The following BOC variants were observed in gnomAD, a reference collection of about 807,000 sequenced individuals.
BOC encodes brother of CDO.
In BOC, 76 loss-of-function variants were observed where a neutral mutation model predicts 112.0. The observed-to-expected ratio is 0.68, with a 90% CI of 0.56 to 0.82. The LOEUF is 0.82. BOC is among the 40% of genes least tolerant of loss of function. BOC has a pLI of 0.00. For synonymous variants in BOC, 580 were observed against 599.8 expected, an observed-to-expected ratio of 0.97 and a Z score of 0.48; for missense variants, 1,309 against 1,511.7, an observed-to-expected ratio of 0.87 and a Z score of 2.22.
chr3:113,286,665 C>A lies in BOC; in HGVS notation c.3161-10C>A, dbSNP rs937829883. ...TGGATTTTAATGGTTCCTACTCTTT[C>A]TCCCCTCAGGGCCCCCATGCTGCTT... On this transcript the variant is annotated splice_polypyrimidine_tract_variant and intron_variant, in intron 19 of 19. Transcript: ENST00000682979. 6.4e-7 allele frequency: 1 copy of A among 1,554,458 alleles called. No homozygotes were observed. Among genetic ancestry groups the A allele is most frequent in the Admixed American group, 2.0e-5 (1 of 50,034 alleles).
Position 113,278,278 on chromosome 3 carries a change from C to G in BOC, c.1705+21C>G. On this transcript the variant is annotated intron_variant, in intron 10 of 19. Transcript: ENST00000682979. This position sits in a 1 kb window ranked among gnomAD's most constrained non-coding sequence, Gnocchi z 4.2. ...AACTGGTGAGAGTCAAACATTGCCC[C>G]TTGCTTAGGGTTTCCGTGGGTCTAA... 6.2e-7 allele frequency: 1 copy of G among 1,613,088 alleles called. No homozygotes were observed. Among genetic ancestry groups the G allele is most frequent in the South Asian group, 1.1e-5 (1 of 91,016 alleles).
At chr3:113,264,706 A>G (rs1360136050) in intron 4 of BOC, among the ~76,000 whole-genome samples, 1 of 152,128 alleles carries the variant, frequency 6.6e-6, no homozygotes, top group Non-Finnish European at 1.5e-5. Flanking sequence ...TCTGATTTTC[A>G]GATCATTCAT....
chr3:113,278,323 G>A lies in BOC; in HGVS notation c.1705+66G>A, dbSNP rs1948856772. ...GTCTAAGCAAGTTCCACTGGCCCAG[G>A]TGAGAATTCCTGCTCACCTTGCCCC... is the stretch of plus-strand genomic sequence containing the variant. On this transcript the variant is annotated intron_variant, in intron 10 of 19. Coordinates refer to ENST00000682979, the MANE Select transcript of BOC (RefSeq NM_001378074.1). This position sits in a 1 kb window ranked among gnomAD's most constrained non-coding sequence, Gnocchi z 4.2. The A allele has an allele frequency of 6.5e-7, 1 of 1,544,976 alleles. No homozygotes were observed. Among genetic ancestry groups the A allele is most frequent in the African/African-American group, 1.4e-5 (1 of 73,622 alleles).
At chr3:113,258,066 G>C (rs916522148) in intron 4 of BOC, among the ~76,000 whole-genome samples, 19 of 152,214 alleles carry the variant, frequency 1.2e-4, no homozygotes, top group African/African-American at 4.6e-4. Context: ...ATTTTAATGG[G>C]AGCTCGGAGG....
intron 18 of BOC, 109 bp downstream of exon 18, chr3:113,284,967 G>T: frequency 1.0e-6 from 1 of 994,918 alleles, no homozygotes; most frequent in South Asian, 1.4e-5. Context: ...GCTGTACTCA[G>T]GGGTCCCCGT....
rs142501301 is a variant in BOC, at chr3:113,241,979, G to A, written c.-81-7743G>A. Among the ~76,000 whole-genome samples the A allele has an allele frequency of 3.9e-5, 6 of 152,246 alleles. No individual in the cohort carries two copies. The East Asian group carries it at 1.2e-3, about 29-fold the overall frequency. ...GGGAGGTTGAGGGAGGAAGGAAGGT[G>A]GAGGTGGGGTAGAAAGGGGAGAGGC... is the stretch of plus-strand genomic sequence containing the variant. On this transcript the variant is annotated intron_variant, in intron 2 of 19. Transcript: ENST00000682979.
intron 6 of BOC, chr3:113,271,160 G>A (rs780131278): frequency 6.8e-5 from 49 of 715,764 alleles, no homozygotes; most frequent in South Asian, 4.4e-4. Context: ...AGCACCAGGC[G>A]ACTGCCTGCT....
rs1466150149 is a variant in BOC, at chr3:113,216,264, AAGT to A, written c.-89_-87del. On this transcript the variant is annotated 5_prime_UTR_variant, in exon 2 of 20. It removes the in-frame stop codon of an upstream open reading frame in the 5' UTR. Transcript: ENST00000682979. ...ATACCGTCTGAGGGTAGCAGCTCGAAAGTAGAAGAAGTGGGTGAGGTTTTCTCT... is the reference window on the plus strand; with the variant it reads ...ATACCGTCTGAGGGTAGCAGCTCGAAAGAAGAAGTGGGTGAGGTTTTCTCT... 1.3e-5 allele frequency: 6 copies of A among 456,000 alleles called. No homozygotes were observed. The highest frequency in any genetic ancestry group is 1.0e-4 in the African/African-American group (5 of 49,898). The allele number at this position is 456,000 out of a possible 1,614,324, so 28.2% of individuals were successfully genotyped here.
At chr3:113,269,212 C>T (rs74771927) in intron 5 of BOC, among the ~76,000 whole-genome samples, 9 of 152,200 alleles carry the variant, frequency 5.9e-5, no homozygotes, top group Admixed American at 3.9e-4. Flanking sequence ...TCCCTCTCCC[C>T]GTTTGCATAG....
chr3:113,235,768 A>G (rs1362924980), intron 2 of BOC, among the ~76,000 whole-genome samples: 3 of 152,334 alleles, frequency 2.0e-5, no homozygotes, highest in African/African-American at 7.2e-5. Context: ...AAAACATTAT[A>G]TAGAATATGT....
intron 6 of BOC, chr3:113,271,223 G>C (rs765466130): frequency 1.6e-6 from 1 of 609,734 alleles, no homozygotes; most frequent in Non-Finnish European, 3.1e-6. Context: ...CGATTGGGAT[G>C]GGTCAGAATG....
intron 13 of BOC, 23 bp downstream of exon 13, chr3:113,280,028 T>A: frequency 6.3e-7 from 1 of 1,582,784 alleles, no homozygotes; most frequent in Non-Finnish European, 8.6e-7. Context: ...GGCCGTGGAC[T>A]GCAGTGGAAG....
Position 113,287,021 on chromosome 3 carries a change from G to A in BOC, c.*159G>A. ...AATGTATATGTTTTATAATTCTGGA[G>A]AGACATAAGGAGTCCTACCCGTTGA... On this transcript the variant is annotated 3_prime_UTR_variant, in exon 20 of 20. Transcript: ENST00000682979. The A allele has an allele frequency of 1.2e-6, 1 of 846,442 alleles. No individual in the cohort carries two copies. The highest frequency in any genetic ancestry group is 1.5e-5 in the South Asian group (1 of 68,904). 52.4% of individuals were successfully genotyped at this position (846,442 alleles called of 1,614,324 possible). A position where few individuals can be genotyped will look rare whatever the true frequency, so the allele number is the denominator to read the frequency against.
At chr3:113,271,464 G>A in intron 6 of BOC, 1 of 317,288 alleles carries the variant, frequency 3.2e-6, no homozygotes, top group Admixed American at 4.6e-5. Flanking sequence ...ACCTTTCTGT[G>A]CGCTTGCCTG....
chr3:113,255,058 A>G (rs1173376859), intron 4 of BOC, among the ~76,000 whole-genome samples: 1 of 152,084 alleles, frequency 6.6e-6, no homozygotes, highest in Non-Finnish European at 1.5e-5. Flanking sequence ...GGAGGTGCCC[A>G]TCTCGCTGTC....
Position 113,284,474 on chromosome 3 carries a change from T to A in BOC, c.2796T>A (p.Ala932=). 6.2e-7 allele frequency: 1 copy of A among 1,614,232 alleles called. No homozygotes were observed. The highest frequency in any genetic ancestry group is 8.5e-7 in the Non-Finnish European group (1 of 1,180,024). The change falls in exon 17 of 20, where the codon GCT becomes GCA. Residue 932 remains alanine, a synonymous_variant. Coordinates refer to ENST00000682979, the MANE Select transcript of BOC (RefSeq NM_001378074.1). ...GTGGCATCAGTGGACGGGCCTGTGC[T>A]AATGGGATCCACATGAATAGGGGCT... The part of the protein sequence containing the change: ...YLSGISGRAC[A]NGIHMNRGCP...
intron 2 of BOC, among the ~76,000 whole-genome samples, chr3:113,226,633 C>A (rs1224567472): frequency 1.3e-5 from 2 of 152,126 alleles, no homozygotes; most frequent in Non-Finnish European, 2.9e-5. Context: ...GTGTTAATAC[C>A]CTTAATCTGG....
chr3:113,281,182 C>A (rs1020849721), intron 15 of BOC, 29 bp downstream of exon 15: 1 of 1,610,988 alleles, frequency 6.2e-7, no homozygotes, highest in Middle Eastern at 1.7e-4. Flanking sequence ...TCTCTCCTGT[C>A]TTGGTGTTTC....
chr3:113,259,460 G>A (rs1487068486), intron 4 of BOC, among the ~76,000 whole-genome samples: 1 of 152,188 alleles, frequency 6.6e-6, no homozygotes, highest in South Asian at 2.1e-4. Context: ...AAGGAGCATG[G>A]TGCAAGATGC....
Sources: gnomAD v4.1 joint callset for allele counts (sites outside exome capture counted in the v4.1 genomes callset) on GRCh38, gnomAD v4.1.1 for gene constraint, Gnocchi (gnomAD v3.1) non-coding constraint, MANE v1.5 for transcripts, NCBI Gene and HGNC (gene_info 2026-07-23, HGNC 2026-07-21) for gene names.